The following SEZ6L variants were observed in gnomAD, a reference collection of about 807,000 sequenced individuals.
SEZ6L encodes seizure 6-like protein.
SEZ6L carries 37 observed loss-of-function variants against 106.2 expected under a neutral mutation model. The ratio of observed to expected loss-of-function variants is 0.35; its 90% CI spans 0.27 to 0.46. The LOEUF (loss-of-function observed/expected upper bound fraction) is 0.46, where lower values mean the gene tolerates loss of function less well. Among genes scored for constraint, SEZ6L ranks in the 20% least tolerant of loss-of-function variants. SEZ6L has a pLI of 1.00. For missense variants in SEZ6L, 1,172 were observed against 1,332.8 expected (o/e 0.88, Z 1.88); for synonymous variants, 541 against 570.4 (o/e 0.95, Z 0.73).
At chr22:26,271,629 C>T (rs1050797476) in intron 1 of SEZ6L, among the ~76,000 whole-genome samples, 6 of 152,158 alleles carry the variant, frequency 3.9e-5, no homozygotes, top group African/African-American at 1.4e-4. Context: ...CTGGGACCTC[C>T]CCCTTCTCTC....
At chr22:26,184,412 A>G (rs1268951627) in intron 1 of SEZ6L, among the ~76,000 whole-genome samples, 1 of 152,092 alleles carries the variant, frequency 6.6e-6, no homozygotes, top group Non-Finnish European at 1.5e-5. Flanking sequence ...TACCCTTGCT[A>G]TAGTAACGAG....
At chr22:26,180,666 T>C (rs979327168) in intron 1 of SEZ6L, among the ~76,000 whole-genome samples, 1 of 152,180 alleles carries the variant, frequency 6.6e-6, no homozygotes, top group East Asian at 1.9e-4. Context: ...TATTTAGACA[T>C]TTAAAAGTGA....
At chr22:26,244,940 G>A (rs2079279872) in intron 1 of SEZ6L, among the ~76,000 whole-genome samples, 1 of 152,188 alleles carries the variant, frequency 6.6e-6, no homozygotes, top group Non-Finnish European at 1.5e-5. Flanking sequence ...CTTCAGCAAT[G>A]GGGAGCCACG....
intron 1 of SEZ6L, among the ~76,000 whole-genome samples, chr22:26,199,446 G>C (rs1440990874): frequency 6.6e-6 from 1 of 152,174 alleles, no homozygotes; most frequent in African/African-American, 2.4e-5. Flanking sequence ...CCCAGAGTTT[G>C]ATGATGTTGG....
rs1272103772 is a variant in SEZ6L, at chr22:26,381,940, G to A, written c.*1645G>A. On this transcript the variant is annotated 3_prime_UTR_variant, in exon 17 of 17. Transcript: ENST00000248933. ...TTTCTGGCCATAGGGAGAATAGCAG[G>A]GAGTCTATGTTTTGGTGGTTACATT... The A allele has an allele frequency of 4.0e-6, 2 of 498,636 alleles. No homozygotes were observed. The highest frequency in any genetic ancestry group is 8.0e-6 in the Non-Finnish European group (2 of 249,794). The allele number at this position is 498,636 out of a possible 1,614,324, so 30.9% of individuals were successfully genotyped here.
At chr22:26,242,466 T>G (rs2079169655) in intron 1 of SEZ6L, among the ~76,000 whole-genome samples, 1 of 152,198 alleles carries the variant, frequency 6.6e-6, no homozygotes. Flanking sequence ...CGTGGCTTGC[T>G]GGCTTGTTGG....
intron 1 of SEZ6L, among the ~76,000 whole-genome samples, chr22:26,238,578 C>G (rs186094499): frequency 2.1e-4 from 32 of 152,314 alleles, no homozygotes; most frequent in Admixed American, 7.8e-4. Flanking sequence ...AAAGAAAGTA[C>G]ATAAATAATA....
At chr22:26,338,677 A>C (rs1265997614) in intron 9 of SEZ6L, among the ~76,000 whole-genome samples, 5 of 152,008 alleles carry the variant, frequency 3.3e-5, no homozygotes, top group Non-Finnish European at 4.4e-5. Flanking sequence ...CTCCTGCCTC[A>C]GCCTCCCGAG....
chr22:26,284,895 CA>C (rs2080887487), intron 1 of SEZ6L, among the ~76,000 whole-genome samples: 1 of 152,094 alleles, frequency 6.6e-6, no homozygotes, highest in African/African-American at 2.4e-5. Flanking sequence ...TCACTTCCCC[CA>C]TAGGAGTCTT....
intron 6 of SEZ6L, among the ~76,000 whole-genome samples, chr22:26,308,489 A>G (rs752002096): frequency 4.6e-5 from 7 of 152,156 alleles, no homozygotes; most frequent in Non-Finnish European, 7.4e-5. Flanking sequence ...ACATGAATAA[A>G]GATTTTAAGA....
chr22:26,316,393 G>T (rs1023910506), intron 9 of SEZ6L, among the ~76,000 whole-genome samples: 2 of 152,198 alleles, frequency 1.3e-5, no homozygotes, highest in African/African-American at 4.8e-5. Flanking sequence ...TGCCTAGCAG[G>T]TGAGGCAGGT....
chr22:26,240,113 C>A (rs2079079180), intron 1 of SEZ6L, among the ~76,000 whole-genome samples: 1 of 151,296 alleles, frequency 6.6e-6, no homozygotes, highest in South Asian at 2.1e-4. Context: ...CACACACACA[C>A]ACACACACCA....
chr22:26,203,028 TG>T (rs1941071153), intron 1 of SEZ6L, among the ~76,000 whole-genome samples: 1 of 152,242 alleles, frequency 6.6e-6, no homozygotes, highest in Admixed American at 6.5e-5. Flanking sequence ...CAGCTCCCAC[TG>T]GTGGAGCAAT....
chr22:26,174,615 AC>A (rs1265399758), intron 1 of SEZ6L, among the ~76,000 whole-genome samples: 1 of 152,154 alleles, frequency 6.6e-6, no homozygotes, highest in Non-Finnish European at 1.5e-5. Context: ...GCATCACACA[AC>A]CCTGGGTAAA....
intron 8 of SEZ6L, among the ~76,000 whole-genome samples, chr22:26,313,277 G>C (rs1251462357): frequency 6.6e-6 from 1 of 152,210 alleles, no homozygotes; most frequent in Non-Finnish European, 1.5e-5. Flanking sequence ...CAATGAGGTT[G>C]GCAGTGGTAT....
intron 6 of SEZ6L, among the ~76,000 whole-genome samples, chr22:26,308,598 C>T (rs897951169): frequency 2.0e-5 from 3 of 152,000 alleles, no homozygotes; most frequent in Admixed American, 1.3e-4. Context: ...GACACTGCGC[C>T]CACCCTATCC....
intron 1 of SEZ6L, among the ~76,000 whole-genome samples, chr22:26,217,812 AT>A (rs2078342157): frequency 6.6e-6 from 1 of 152,196 alleles, no homozygotes; most frequent in Non-Finnish European, 1.5e-5. Flanking sequence ...GCCATACGGC[AT>A]TTTCTAAAAT....
intron 1 of SEZ6L, among the ~76,000 whole-genome samples, chr22:26,198,686 T>C (rs572778838): frequency 6.6e-6 from 1 of 152,348 alleles, no homozygotes; most frequent in South Asian, 2.1e-4. Flanking sequence ...TGGCCTCACA[T>C]AGCAATAGAC....
At chr22:26,265,936 C>T (rs2080161620) in intron 1 of SEZ6L, among the ~76,000 whole-genome samples, 1 of 152,222 alleles carries the variant, frequency 6.6e-6, no homozygotes, top group South Asian at 2.1e-4. Flanking sequence ...CCTGGAGGAG[C>T]TCCCAGTCTG....
Sources: allele counts gnomAD v4.1 joint callset (sites outside exome capture counted in the v4.1 genomes callset), GRCh38; gene constraint gnomAD v4.1.1; transcripts MANE v1.5; gene names NCBI Gene and HGNC (gene_info 2026-07-23, HGNC 2026-07-21).